The following TSPAN9 variants were observed in gnomAD, a reference collection of about 807,000 sequenced individuals.
TSPAN9 encodes the protein tetraspanin 9.
A neutral mutation model predicts 31.0 loss-of-function variants in TSPAN9; 16 were observed. The observed-to-expected ratio is 0.52, with a 90% CI of 0.35 to 0.78. The LOEUF (loss-of-function observed/expected upper bound fraction) is 0.78, where lower values mean the gene tolerates loss of function less well. TSPAN9 is among the 30% of genes least tolerant of loss of function. TSPAN9 has a pLI of 0.01. For missense variants in TSPAN9, 272 were observed against 312.5 expected (o/e 0.87, Z 0.98); for synonymous variants, 145 against 121.6 (o/e 1.19, Z -1.27).
intron 3 of TSPAN9, among the ~76,000 whole-genome samples, chr12:3,214,175 A>T (rs1172971587): frequency 6.6e-6 from 1 of 152,158 alleles, no homozygotes; most frequent in African/African-American, 2.4e-5. Context: ...CTGGGCCCTG[A>T]CATTCTGTGG....
At chr12:3,223,761 G>T (rs552550907) in intron 3 of TSPAN9, among the ~76,000 whole-genome samples, 2 of 152,212 alleles carry the variant, frequency 1.3e-5, no homozygotes, top group Admixed American at 6.5e-5. Flanking sequence ...TAACACAGGG[G>T]CATGAATTCA....
chr12:3,141,365 G>A lies in TSPAN9; in HGVS notation c.-18+57646G>A, dbSNP rs925728614. On this transcript the variant is annotated intron_variant, in intron 2 of 8. Transcript: ENST00000011898. ...ACCCAGTGGCTTTTCCAGCCTGTTC[G>A]CCTCGGTCTCCCAGCCTGGTGGTGA... Among the ~76,000 whole-genome samples, 3 of 152,192 alleles carry A rather than the reference G, an allele frequency of 2.0e-5. No individual in the cohort carries two copies. In the East Asian group the frequency reaches 5.8e-4, roughly 29 times the overall value.
At chr12:3,188,340 G>GCTCCTGCGGTA (rs1451599501) in intron 2 of TSPAN9, among the ~76,000 whole-genome samples, 3 of 152,202 alleles carry the variant, frequency 2.0e-5, no homozygotes, top group Non-Finnish European at 4.4e-5. Context: ...GCCCTGCCAG[G>GCTCCTGCGGTA]CTCCTGCGGT....
At chr12:3,106,093 C>T (rs551588198) in intron 2 of TSPAN9, among the ~76,000 whole-genome samples, 23 of 152,302 alleles carry the variant, frequency 1.5e-4, no homozygotes, top group African/African-American at 5.3e-4. Context: ...TGTGCGCGCA[C>T]GCACACACAC....
At chr12:3,180,495 G>C (rs1057432568) in intron 2 of TSPAN9, among the ~76,000 whole-genome samples, 1 of 150,502 alleles carries the variant, frequency 6.6e-6, no homozygotes, top group Non-Finnish European at 1.5e-5. Flanking sequence ...AAAAAAAAAA[G>C]TCTTCTGACC....
At chr12:3,256,872 C>A (rs555011431) in intron 3 of TSPAN9, among the ~76,000 whole-genome samples, 1 of 152,126 alleles carries the variant, frequency 6.6e-6, no homozygotes. Flanking sequence ...GAGTCCATTC[C>A]CTGGGGAGGA....
At chr12:3,205,778 A>G (rs55763413) in intron 3 of TSPAN9, among the ~76,000 whole-genome samples, 5,648 of 151,778 alleles carry the variant, frequency 0.037, 359 homozygotes, top group African/African-American at 0.13. Flanking sequence ...AGGGGGCTGC[A>G]ACAAGTAGAT....
chr12:3,176,979 G>C (rs901653336), intron 2 of TSPAN9, among the ~76,000 whole-genome samples: 2 of 152,224 alleles, frequency 1.3e-5, no homozygotes, highest in Non-Finnish European at 2.9e-5. Flanking sequence ...AGGGCAAAAC[G>C]AGGAGTGGCT....
At chr12:3,134,471 G>A (rs1189378375) in intron 2 of TSPAN9, among the ~76,000 whole-genome samples, 1 of 152,200 alleles carries the variant, frequency 6.6e-6, no homozygotes, top group Non-Finnish European at 1.5e-5. Flanking sequence ...TTAGGGGATG[G>A]TCAAGGCTGG....
Position 3,261,796 on chromosome 12 carries a change from C to G in TSPAN9, c.64-16625C>G, listed in dbSNP as rs538149869. ...ACCTGGTGCAAGAGCAAGACCCTGA[C>G]CCGTCCTGCATGTCCAGTGTCCACA... On this transcript the variant is annotated intron_variant, in intron 3 of 8. Coordinates refer to ENST00000011898, the MANE Select transcript of TSPAN9 (RefSeq NM_006675.5). Among the ~76,000 whole-genome samples, 77 of 152,326 alleles carry G rather than the reference C, an allele frequency of 5.1e-4. 1 individual carries two copies. Among genetic ancestry groups the G allele is most frequent in the African/African-American group, 1.9e-3 (77 of 41,570 alleles).
At chr12:3,113,919 G>A (rs748536273) in intron 2 of TSPAN9, among the ~76,000 whole-genome samples, 11 of 152,196 alleles carry the variant, frequency 7.2e-5, no homozygotes, top group East Asian at 1.9e-4. Flanking sequence ...CTTGTTCCAC[G>A]TGCTCACTGG....
At chr12:3,181,535 G>C (rs2153971261) in intron 2 of TSPAN9, among the ~76,000 whole-genome samples, 1 of 152,284 alleles carries the variant, frequency 6.6e-6, no homozygotes, top group East Asian at 1.9e-4. Flanking sequence ...AGAAATGACA[G>C]CAAGGCTGCC....
At chr12:3,273,775 T>C (rs564902) in intron 3 of TSPAN9, among the ~76,000 whole-genome samples, 149,509 of 152,260 alleles carry the variant, frequency 0.98, 73,471 homozygotes, top group Middle Eastern at 1. Context: ...CCTGACTTCC[T>C]GCCCTCCTGC....
At chr12:3,106,061 A>G (rs1175018639) in intron 2 of TSPAN9, among the ~76,000 whole-genome samples, 1 of 145,366 alleles carries the variant, frequency 6.9e-6, no homozygotes, top group Non-Finnish European at 1.5e-5. Context: ...GTGCACCTAC[A>G]CATAGCATGC....
chr12:3,093,601 G>C (rs1565572712), intron 2 of TSPAN9, among the ~76,000 whole-genome samples: 1 of 152,188 alleles, frequency 6.6e-6, no homozygotes, highest in Non-Finnish European at 1.5e-5. Context: ...CATTAGAAGA[G>C]TGCCTGACAC....
At chr12:3,126,162 A>G (rs1274624277) in intron 2 of TSPAN9, among the ~76,000 whole-genome samples, 1 of 152,216 alleles carries the variant, frequency 6.6e-6, no homozygotes, top group Non-Finnish European at 1.5e-5. Flanking sequence ...ATAAGACCTC[A>G]CAGGGATGTT....
intron 3 of TSPAN9, among the ~76,000 whole-genome samples, chr12:3,220,970 C>T (rs1427968620): frequency 6.6e-6 from 1 of 152,184 alleles, no homozygotes; most frequent in Non-Finnish European, 1.5e-5. Context: ...GAGATATTTC[C>T]AGTCTCCTTT....
intron 2 of TSPAN9, among the ~76,000 whole-genome samples, chr12:3,197,496 C>G (rs891381212): frequency 6.6e-5 from 10 of 152,324 alleles, no homozygotes; most frequent in African/African-American, 1.7e-4. Context: ...TTGGGCTCCC[C>G]ATCTGAGTTG....
At chr12:3,217,490 G>C (rs979873147) in intron 3 of TSPAN9, among the ~76,000 whole-genome samples, 6 of 152,222 alleles carry the variant, frequency 3.9e-5, no homozygotes, top group Non-Finnish European at 5.9e-5. Flanking sequence ...TGCTGGGTCT[G>C]TGATGTCCAG....
Sources: allele counts gnomAD v4.1 joint callset (sites outside exome capture counted in the v4.1 genomes callset), GRCh38; gene constraint gnomAD v4.1.1; transcripts MANE v1.5; gene names NCBI Gene and HGNC (gene_info 2026-07-23, HGNC 2026-07-21).